Variants in KIAA1328 observed in about 807,000 individuals in gnomAD.
KIAA1328 encodes KIAA1328, also known as protein hinderin.
Under a neutral mutation model 68.1 loss-of-function variants are expected in KIAA1328, and 52 were observed. That is an observed-to-expected ratio of 0.76 (90% CI 0.61 to 0.96). KIAA1328 has a LOEUF of 0.96. Ranked by LOEUF, KIAA1328 falls within the 40% of genes least tolerant of loss-of-function variation. The pLI is 0.00. For synonymous variants in KIAA1328, 232 were observed against 239.4 expected (o/e 0.97, Z 0.28); for missense variants, 641 against 677.6 (o/e 0.95, Z 0.60).
At chr18:37,122,869 C>T (rs369892673) in intron 7 of KIAA1328, among the ~76,000 whole-genome samples, 1 of 151,942 alleles carries the variant, frequency 6.6e-6, no homozygotes, top group South Asian at 2.1e-4. Flanking sequence ...ACAGAAAACA[C>T]GGTTGATGAT....
chr18:37,097,305 T>A (rs1182270376), intron 7 of KIAA1328, among the ~76,000 whole-genome samples: 1 of 152,250 alleles, frequency 6.6e-6, no homozygotes, highest in Non-Finnish European at 1.5e-5. Flanking sequence ...TAGCCAGTTT[T>A]CCCAGCACTT....
intron 1 of KIAA1328, among the ~76,000 whole-genome samples, chr18:36,833,754 C>A (rs1184105414): frequency 6.6e-6 from 1 of 152,116 alleles, no homozygotes; most frequent in African/African-American, 2.4e-5. Flanking sequence ...CAAAATAGTT[C>A]TTTTTGTCTT....
At chr18:37,064,547 C>A (rs999043261) in intron 6 of KIAA1328, among the ~76,000 whole-genome samples, 1 of 141,988 alleles carries the variant, frequency 7.0e-6, no homozygotes, top group Admixed American at 7.1e-5. Context: ...CCCCCCCCCC[C>A]AAATATGACC....
rs548351022 is a variant in KIAA1328 at position 37,189,681 on chromosome 18, C to T, written c.1523+16600C>T. 4.6e-5 allele frequency among the ~76,000 whole-genome samples: 7 copies of T among 152,288 alleles called. No homozygotes were observed. In the South Asian group the frequency reaches 1.0e-3, roughly 23 times the overall value. On this transcript the variant is annotated intron_variant, in intron 9 of 9. Transcript: ENST00000280020. Reference sequence around the variant, plus strand: ...CTAAGGCATGGGCACCCAGCATTCACCTCATAAAACCAACTATAATCTCTC... The same window carrying T: ...CTAAGGCATGGGCACCCAGCATTCATCTCATAAAACCAACTATAATCTCTC...
intron 7 of KIAA1328, among the ~76,000 whole-genome samples, chr18:37,089,371 C>CCT (rs1159905559): frequency 6.3e-5 from 6 of 95,300 alleles, no homozygotes; most frequent in Non-Finnish European, 1.2e-4. Flanking sequence ...AAGGTAGTGG[C>CCT]TTTTTTTTTT....
chr18:37,071,178 T>G (rs2056520307), intron 7 of KIAA1328, among the ~76,000 whole-genome samples: 1 of 148,970 alleles, frequency 6.7e-6, no homozygotes, highest in Admixed American at 6.8e-5. Flanking sequence ...GCTCAGGTGA[T>G]CCTCCTGCCT....
At chr18:37,038,872 A>G (rs1049822542) in intron 6 of KIAA1328, among the ~76,000 whole-genome samples, 2 of 152,146 alleles carry the variant, frequency 1.3e-5, no homozygotes, top group African/African-American at 4.8e-5. Context: ...ATTATCTTAT[A>G]ATTGAGAAAG....
At chr18:36,952,421 A>T (rs1419763132) in intron 5 of KIAA1328, among the ~76,000 whole-genome samples, 2 of 152,024 alleles carry the variant, frequency 1.3e-5, no homozygotes, top group African/African-American at 2.4e-5. Flanking sequence ...TTTTTTTAAA[A>T]AATGTATTGA....
At chr18:36,931,389 G>A (rs370126506) in intron 5 of KIAA1328, among the ~76,000 whole-genome samples, 2 of 151,958 alleles carry the variant, frequency 1.3e-5, no homozygotes, top group Non-Finnish European at 1.5e-5. Context: ...AACTGTACAC[G>A]CGAGGGATCT....
chr18:36,877,081 G>C (rs944573492), intron 4 of KIAA1328, among the ~76,000 whole-genome samples: 3 of 152,120 alleles, frequency 2.0e-5, no homozygotes, highest in African/African-American at 7.2e-5. Context: ...TTGCTGGGGA[G>C]TGTTTTACTT....
chr18:36,835,918 G>A (rs2046658483), intron 3 of KIAA1328, among the ~76,000 whole-genome samples: 1 of 152,104 alleles, frequency 6.6e-6, no homozygotes, highest in African/African-American at 2.4e-5. Context: ...CACAAAACTT[G>A]TATATGAATG....
At chr18:36,952,839 T>C (rs2051217753) in intron 5 of KIAA1328, among the ~76,000 whole-genome samples, 1 of 152,138 alleles carries the variant, frequency 6.6e-6, no homozygotes, top group African/African-American at 2.4e-5. Context: ...CCTGACTTAC[T>C]GACCAAGGAC....
At chr18:36,975,475 C>T (rs1391357329) in intron 6 of KIAA1328, among the ~76,000 whole-genome samples, 1 of 152,160 alleles carries the variant, frequency 6.6e-6, no homozygotes, top group Non-Finnish European at 1.5e-5. Flanking sequence ...AGCCACCGCG[C>T]CCGGCCTACA....
At chr18:37,173,850 A>G (rs1231931595) in intron 9 of KIAA1328, among the ~76,000 whole-genome samples, 1 of 152,240 alleles carries the variant, frequency 6.6e-6, no homozygotes, top group Non-Finnish European at 1.5e-5. Context: ...TTCAAAGGGA[A>G]GAGAAAGATT....
At chr18:36,973,812 TACAC>T (rs761416952) in intron 6 of KIAA1328, among the ~76,000 whole-genome samples, 3 of 103,686 alleles carry the variant, frequency 2.9e-5, no homozygotes, top group African/African-American at 1.1e-4. Flanking sequence ...TGTACGCACA[TACAC>T]ACACACACAC....
Position 37,067,545 on chromosome 18 carries a change from G to A in KIAA1328, c.1232G>A (p.Cys411Tyr), listed in dbSNP as rs2056385027. ...QLHQSRLDYN[C>Y]LLKSNCDGWL... ...CACCAGTCTCGACTGGATTACAATT[G>A]GTGAGTACTGCCTGTTCTTTTTTTT... is the stretch of plus-strand genomic sequence containing the variant. The change falls in exon 7 of 10, where the codon TGT (cysteine) becomes TAT (tyrosine). Residue 411 changes from cysteine (C) to tyrosine (Y), a missense_variant and splice_region_variant. Physicochemically the swap from Cys to Tyr is radical, Grantham distance 194 (BLOSUM62 -2). Coordinates refer to ENST00000280020, the MANE Select transcript of KIAA1328 (RefSeq NM_020776.3). The A allele has an allele frequency of 6.6e-7, 1 of 1,514,002 alleles. No individual in the cohort carries two copies. The highest frequency in any genetic ancestry group is 1.4e-5 in the African/African-American group (1 of 71,420). The allele number at this position is 1,514,002 out of a possible 1,614,324, so 93.8% of individuals were successfully genotyped here. A position where few individuals can be genotyped will look rare whatever the true frequency, so the allele number is the denominator to read the frequency against.
intron 5 of KIAA1328, among the ~76,000 whole-genome samples, chr18:36,906,513 T>C (rs752640746): frequency 5.3e-5 from 8 of 152,190 alleles, no homozygotes; most frequent in Non-Finnish European, 1.0e-4. Flanking sequence ...TATTTTTTCA[T>C]TGCCTAATAT....
chr18:36,855,411 G>A (rs769717982), intron 4 of KIAA1328, among the ~76,000 whole-genome samples: 30 of 152,056 alleles, frequency 2.0e-4, no homozygotes, highest in Non-Finnish European at 4.1e-4. Context: ...TGTTTATGTT[G>A]AGGGTCTTTT....
chr18:37,072,773 C>G (rs2056581307), intron 7 of KIAA1328, among the ~76,000 whole-genome samples: 2 of 152,060 alleles, frequency 1.3e-5, no homozygotes, highest in South Asian at 2.1e-4. Flanking sequence ...TCCCCTTGCC[C>G]CTGACTCCCC....
Sources: allele counts gnomAD v4.1 joint callset (sites outside exome capture counted in the v4.1 genomes callset), GRCh38; gene constraint gnomAD v4.1.1; transcripts MANE v1.5; gene names NCBI Gene and HGNC (gene_info 2026-07-23, HGNC 2026-07-21).